Variants in SETMAR observed in about 807,000 individuals in gnomAD.
SETMAR encodes histone-lysine N-methyltransferase SETMAR.
In SETMAR, 44 loss-of-function variants were observed where a neutral mutation model predicts 58.4. The observed-to-expected ratio is 0.75, with a 90% CI of 0.59 to 0.97. SETMAR has a LOEUF of 0.97. SETMAR is among the 50% of genes least tolerant of loss of function. SETMAR has a pLI of 0.00. For missense variants in SETMAR, 903 were observed against 840.2 expected, an observed-to-expected ratio of 1.07 and a Z score of -0.92; for synonymous variants, 332 against 307.4, an observed-to-expected ratio of 1.08 and a Z score of -0.84.
chr3:4,316,459 C>T lies in SETMAR; in HGVS notation c.1268C>T (p.Ala423Val), dbSNP rs756214831. ...DNDQLRAIIE[A>V]DPLTTTREVA... ...GACCAGTTGAGAGCAATCATCGAAG[C>T]TGATCCCCTTACAACTACACGAGAA... is the stretch of plus-strand genomic sequence containing the variant. Residue 423 changes from alanine (A) to valine (V), a missense_variant, in exon 3 of 3, where the codon GCT (alanine) becomes GTT (valine). Transcript: ENST00000358065. The T allele has an allele frequency of 6.2e-7, 1 of 1,604,288 alleles. No individual in the cohort carries two copies. Among genetic ancestry groups the T allele is most frequent in the South Asian group, 1.1e-5 (1 of 88,810 alleles).
chr3:4,303,802 C>T (rs572189732), intron 1 of SETMAR: 197 of 1,404,006 alleles, frequency 1.4e-4, no homozygotes, highest in Middle Eastern at 3.8e-4. Flanking sequence ...CCAGTCCTGT[C>T]CTCAGAACTC....
At position 4,316,803 on chromosome 3, in the gene SETMAR, T is replaced by G; in HGVS notation, c.1612T>G (p.Ser538Ala). 1 of 1,550,734 alleles carries G rather than the reference T, an allele frequency of 6.4e-7. No homozygotes were observed. The highest frequency in any genetic ancestry group is 1.2e-5 in the South Asian group (1 of 84,042). The change falls in exon 3 of 3, where the codon TCT (serine) becomes GCT (alanine). Residue 538 changes from serine to alanine, a missense_variant. Ser to Ala is a moderately conservative substitution (Grantham distance 99). Coordinates refer to ENST00000358065, the MANE Select transcript of SETMAR (RefSeq NM_006515.4). ...AAAGGTCATGGTCACTATTTGGTGG[T>G]CTGCTGCTGGTCTGATCCACTACAG... ...PKKVMVTIWW[S>A]AAGLIHYSFL...
intron 2 of SETMAR, among the ~76,000 whole-genome samples, 172 bp from the exon 3 acceptor site, chr3:4,316,040 C>G (rs1171233052): frequency 9.8e-6 from 1 of 101,658 alleles, no homozygotes; most frequent in Non-Finnish European, 1.9e-5. Flanking sequence ...GAGCGAGACT[C>G]TGTCTCAAAA....
At chr3:4,309,170 T>G (rs1698307921) in intron 1 of SETMAR, among the ~76,000 whole-genome samples, 1 of 152,206 alleles carries the variant, frequency 6.6e-6, no homozygotes, top group African/African-American at 2.4e-5. Context: ...ATCATGCAGG[T>G]GAAGCCTCCA....
intron 1 of SETMAR, among the ~76,000 whole-genome samples, chr3:4,310,142 T>C (rs1479518890): frequency 1.3e-5 from 2 of 152,176 alleles, no homozygotes; most frequent in Non-Finnish European, 2.9e-5. Context: ...AGGACTACCA[T>C]TGTATATGCA....
rs746274688 is a variant in SETMAR, at chr3:4,316,497, C to G, written c.1306C>G (p.Leu436Val). Residue 436 changes from leucine to valine, a missense_variant, in exon 3 of 3, where the codon CTC (leucine) becomes GTC (valine). Coordinates refer to ENST00000358065, the MANE Select transcript of SETMAR (RefSeq NM_006515.4). ...AACTACACGAGAAGTTGCTGAAGAA[C>G]TCAATGTCAACCATTCTACGGTCGT... ...LTTTREVAEE[L>V]NVNHSTVVRH... is the part of the protein sequence containing the mutation. 1.2e-6 allele frequency: 2 copies of G among 1,600,050 alleles called. No homozygotes were observed. The highest frequency in any genetic ancestry group is 1.7e-6 in the Non-Finnish European group (2 of 1,172,990).
intron 1 of SETMAR, among the ~76,000 whole-genome samples, chr3:4,305,974 A>G (rs562797369): frequency 6.6e-6 from 1 of 152,342 alleles, no homozygotes; most frequent in African/African-American, 2.4e-5. Context: ...AAAAACACTG[A>G]TTTAAAAAAC....
intron 1 of SETMAR, among the ~76,000 whole-genome samples, chr3:4,306,183 C>A (rs1411149191): frequency 6.6e-6 from 1 of 152,146 alleles, no homozygotes; most frequent in Non-Finnish European, 1.5e-5. Context: ...AAATCTGTTT[C>A]CAATCTTGAG....
rs1484577683 is a variant in SETMAR at position 4,317,259 on chromosome 3, G to A, written c.*13G>A. ...CTATTTTGATTAATAAAAATGCGTT[G>A]AGCCTAGTTATAATGATTTAAAATT... On this transcript the variant is annotated 3_prime_UTR_variant, in exon 3 of 3. Transcript: ENST00000358065. The A allele has an allele frequency of 2.0e-6, 3 of 1,506,316 alleles. No homozygotes were observed. In the East Asian group the frequency reaches 7.4e-5, roughly 37 times the overall value. 93.3% of individuals were successfully genotyped at this position (1,506,316 alleles called of 1,614,324 possible).
rs1559217748 is a variant in SETMAR, at chr3:4,313,176, GA to G, written c.436del (p.Thr146ArgfsTer28). 6.2e-7 allele frequency: 1 copy of G among 1,614,034 alleles called. No individual in the cohort carries two copies. Among genetic ancestry groups the G allele is most frequent in the Non-Finnish European group, 8.5e-7 (1 of 1,179,992 alleles). On this transcript the variant is annotated frameshift_variant, in exon 2 of 3. Coordinates refer to ENST00000358065, the MANE Select transcript of SETMAR (RefSeq NM_006515.4). LOFTEE classifies it high-confidence loss of function. ...GLQFHFQVFK[T>X]HKKGWGLRTL... ...TACAGTTCCACTTCCAAGTGTTCAA[GA>G]CGCATAAAAAAGGCTGGGGACTTCG...
intron 2 of SETMAR, 29 bp from the exon 3 acceptor site, chr3:4,316,183 A>G (rs1698636258): frequency 1.5e-6 from 1 of 653,148 alleles, no homozygotes; most frequent in Non-Finnish European, 2.8e-6. Context: ...TGCTAATGAC[A>G]TCTTACTTGC....
In SETMAR at chr3:4,313,084, G is replaced by A; in HGVS notation, c.343G>A (p.Val115Ile). ...ATCTGGAGGAAAGTATGCAGAGCCTGTTTTTGAATGCAATGTCCTGTGCCG... is the reference window on the plus strand; with the variant it reads ...ATCTGGAGGAAAGTATGCAGAGCCTATTTTTGAATGCAATGTCCTGTGCCG... ...IGSGGKYAEP[V>I]FECNVLCRCS... The change falls in exon 2 of 3, where the codon GTT becomes ATT. Residue 115 changes from valine to isoleucine, a missense_variant. Transcript: ENST00000358065. 6.2e-7 allele frequency: 1 copy of A among 1,613,958 alleles called. No individual in the cohort carries two copies. Among genetic ancestry groups the A allele is most frequent in the East Asian group, 2.2e-5 (1 of 44,880 alleles).
At chr3:4,309,956 C>T (rs1414805613) in intron 1 of SETMAR, among the ~76,000 whole-genome samples, 1 of 152,156 alleles carries the variant, frequency 6.6e-6, no homozygotes, top group African/African-American at 2.4e-5. Context: ...CTTACAGAAA[C>T]CTAGATGGTA....
chr3:4,316,541 T>G lies in SETMAR; in HGVS notation c.1350T>G (p.Ile450Met), dbSNP rs1358133674. The G allele has an allele frequency of 1.9e-6, 3 of 1,565,066 alleles. No homozygotes were observed. Among genetic ancestry groups the G allele is most frequent in the Non-Finnish European group, 2.6e-6 (3 of 1,153,560 alleles). ...CGGTCGTTCGACATTTGAAGCAAAT[T>G]GGAAAGGTGAAAAAGCTCGATAAGT... ...HSTVVRHLKQ[I>M]GKVKKLDKWV... The change falls in exon 3 of 3, where the codon ATT becomes ATG. Residue 450 changes from isoleucine to methionine, a missense_variant. Ile to Met is a conservative substitution (Grantham distance 10). Transcript: ENST00000358065.
intron 1 of SETMAR, 119 bp from the exon 2 acceptor site, chr3:4,312,779 A>G: frequency 1.7e-6 from 2 of 1,170,706 alleles, no homozygotes; most frequent in Non-Finnish European, 2.4e-6. Context: ...GTGTTTTGAC[A>G]GTTTTGTCCT....
chr3:4,305,317 C>G (rs1453521889), intron 1 of SETMAR, among the ~76,000 whole-genome samples: 1 of 152,130 alleles, frequency 6.6e-6, no homozygotes, highest in Non-Finnish European at 1.5e-5. Context: ...AACTCCTGAC[C>G]TCAAGTGATC....
At chr3:4,316,165 TG>T (rs745941837) in intron 2 of SETMAR, 46 bp from the exon 3 acceptor site, 29 of 634,000 alleles carry the variant, frequency 4.6e-5, no homozygotes, top group South Asian at 1.1e-4. Flanking sequence ...CATTTCTTTA[TG>T]TTTTTTTGCT....
Position 4,316,744 on chromosome 3 carries a change from C to T in SETMAR, c.1553C>T (p.Pro518Leu), listed in dbSNP as rs1457264365. 4 of 1,550,724 alleles carry T rather than the reference C, an allele frequency of 2.6e-6. No individual in the cohort carries two copies. The highest frequency in any genetic ancestry group is 3.5e-6 in the Non-Finnish European group (4 of 1,146,744). Residue 518 changes from proline to leucine, a missense_variant, in exon 3 of 3, where the codon CCA becomes CTA. Physicochemically the swap from Pro to Leu is moderately conservative, Grantham distance 98. Transcript: ENST00000358065. ...CAGTGGTTGGATCAAGAAGAAGCTCCAAAGCACTTCCCAAAGCCAATCTTG... is the reference window on the plus strand; with the variant it reads ...CAGTGGTTGGATCAAGAAGAAGCTCTAAAGCACTTCCCAAAGCCAATCTTG... ...SAQWLDQEEAPKHFPKPILHP... is the reference protein window; with the variant it reads ...SAQWLDQEEALKHFPKPILHP...
At chr3:4,310,980 C>G (rs2125091321) in intron 1 of SETMAR, among the ~76,000 whole-genome samples, 1 of 152,354 alleles carries the variant, frequency 6.6e-6, no homozygotes, top group South Asian at 2.1e-4. Context: ...TATAAAACAG[C>G]AGTCGTTGAG....
Sources: gnomAD v4.1 joint callset for allele counts (sites outside exome capture counted in the v4.1 genomes callset) on GRCh38, gnomAD v4.1.1 for gene constraint, MANE v1.5 for transcripts, NCBI Gene and HGNC (gene_info 2026-07-23, HGNC 2026-07-21) for gene names.